Variants in LUZP2 observed in about 807,000 individuals in gnomAD.
The protein encoded by LUZP2 is leucine zipper protein 2.
LUZP2 carries 52 observed loss-of-function variants against 51.6 expected under a neutral mutation model. The ratio of observed to expected loss-of-function variants is 1.01; its 90% CI spans 0.81 to 1.27. The LOEUF is 1.27. LUZP2 is among the 50% of genes most tolerant of loss of function. LUZP2 has a pLI of 0.00. For missense variants in LUZP2, 436 were observed against 395.4 expected, an observed-to-expected ratio of 1.10 and a Z score of -0.87; for synonymous variants, 154 against 137.3, an observed-to-expected ratio of 1.12 and a Z score of -0.85.
At chr11:24,881,987 C>T (rs1852484153) in intron 5 of LUZP2, among the ~76,000 whole-genome samples, 1 of 151,822 alleles carries the variant, frequency 6.6e-6, no homozygotes, top group Non-Finnish European at 1.5e-5. Context: ...TACTCAATTC[C>T]TTATTTAATT....
chr11:25,019,928 T>C (rs1175248409), intron 9 of LUZP2, among the ~76,000 whole-genome samples: 2 of 152,052 alleles, frequency 1.3e-5, no homozygotes, highest in African/African-American at 2.4e-5. Flanking sequence ...TGTCATATAC[T>C]TTATCTTCTT....
intron 6 of LUZP2, among the ~76,000 whole-genome samples, chr11:24,914,232 A>G (rs977895730): frequency 6.6e-6 from 1 of 152,164 alleles, no homozygotes; most frequent in African/African-American, 2.4e-5. Flanking sequence ...TTGGAGGAAG[A>G]ACAATAATCG....
intron 5 of LUZP2, among the ~76,000 whole-genome samples, chr11:24,782,829 C>A (rs937989876): frequency 6.6e-6 from 1 of 152,032 alleles, no homozygotes; most frequent in Admixed American, 6.6e-5. Flanking sequence ...TGTGTAATTT[C>A]ACTTCTTAAT....
chr11:24,650,899 T>C (rs1855605309), intron 1 of LUZP2, among the ~76,000 whole-genome samples: 11 of 152,056 alleles, frequency 7.2e-5, no homozygotes, highest in Admixed American at 6.6e-4. Context: ...TTCTGAACTT[T>C]TGTAAGTCTC....
intron 1 of LUZP2, among the ~76,000 whole-genome samples, chr11:24,578,078 G>A (rs540743712): frequency 3.9e-5 from 6 of 152,068 alleles, no homozygotes; most frequent in Admixed American, 3.9e-4. Flanking sequence ...TTTCTAGACT[G>A]GGAGAAAGAA....
chr11:24,774,109 GC>G (rs1302816247), intron 5 of LUZP2, among the ~76,000 whole-genome samples: 31 of 151,956 alleles, frequency 2.0e-4, no homozygotes, highest in African/African-American at 7.5e-4. Flanking sequence ...CTAATCAGCT[GC>G]CAGTACAGCC....
intron 9 of LUZP2, among the ~76,000 whole-genome samples, chr11:25,038,568 C>G (rs1355927062): frequency 6.6e-6 from 1 of 152,198 alleles, no homozygotes; most frequent in Non-Finnish European, 1.5e-5. Flanking sequence ...AATTGGTTGG[C>G]TTTCTTGAAC....
chr11:24,898,508 C>T (rs997014327), intron 5 of LUZP2, among the ~76,000 whole-genome samples: 5 of 151,902 alleles, frequency 3.3e-5, no homozygotes, highest in Non-Finnish European at 5.9e-5. Context: ...CCTGTAGTCC[C>T]GCTACGCGGG....
chr11:24,540,430 G>A (rs1851321678), intron 1 of LUZP2, among the ~76,000 whole-genome samples: 1 of 152,080 alleles, frequency 6.6e-6, no homozygotes, highest in African/African-American at 2.4e-5. Flanking sequence ...AGACTTTGGA[G>A]AGATTGCTTG....
chr11:25,005,391 A>G (rs942672344), intron 9 of LUZP2, among the ~76,000 whole-genome samples: 6 of 152,296 alleles, frequency 3.9e-5, no homozygotes, highest in East Asian at 1.9e-4. Context: ...CCTCTTACAG[A>G]AAAGGTCAAG....
intron 5 of LUZP2, among the ~76,000 whole-genome samples, chr11:24,834,349 G>T (rs553183718): frequency 6.6e-6 from 1 of 152,168 alleles, no homozygotes; most frequent in Admixed American, 6.5e-5. Context: ...TGCAATGCTT[G>T]GTTTTCTGTT....
At chr11:24,964,025 G>A (rs914669423) in intron 7 of LUZP2, among the ~76,000 whole-genome samples, 2 of 152,174 alleles carry the variant, frequency 1.3e-5, no homozygotes, top group African/African-American at 2.4e-5. Flanking sequence ...TAAATGCCCA[G>A]AAGCAGGATT....
chr11:24,751,477 C>A (rs1337809746), intron 4 of LUZP2: 5 of 471,634 alleles, frequency 1.1e-5, no homozygotes, highest in African/African-American at 2.1e-5. Flanking sequence ...ACAGCTCAGG[C>A]CTCTCCTGTC....
intron 1 of LUZP2, among the ~76,000 whole-genome samples, chr11:24,524,522 A>G (rs1456735660): frequency 6.6e-6 from 1 of 151,736 alleles, no homozygotes; most frequent in African/African-American, 2.4e-5. Flanking sequence ...GGTAATGACA[A>G]ACCTTTCCCT....
intron 5 of LUZP2, among the ~76,000 whole-genome samples, chr11:24,899,488 C>T (rs1046623114): frequency 2.0e-5 from 3 of 151,492 alleles, no homozygotes; most frequent in African/African-American, 2.4e-5. Flanking sequence ...CATGTAAATA[C>T]TTTAATTGAG....
intron 1 of LUZP2, among the ~76,000 whole-genome samples, chr11:24,726,531 C>G (rs954177290): frequency 1.3e-5 from 2 of 151,528 alleles, no homozygotes; most frequent in African/African-American, 4.8e-5. Flanking sequence ...CTACTCCCCC[C>G]ACCAAAAAAA....
At chr11:24,848,966 A>G (rs1036352401) in intron 5 of LUZP2, among the ~76,000 whole-genome samples, 2 of 152,094 alleles carry the variant, frequency 1.3e-5, no homozygotes, top group African/African-American at 4.8e-5. Flanking sequence ...TGACAAACCC[A>G]CAGCAAAACC....
At chr11:24,598,685 T>C (rs1853525096) in intron 1 of LUZP2, among the ~76,000 whole-genome samples, 2 of 152,158 alleles carry the variant, frequency 1.3e-5, no homozygotes, top group South Asian at 4.1e-4. Flanking sequence ...CTCCAAGGCA[T>C]ATTATTATGC....
At chr11:24,986,537 C>CTGTGTGTGTGTGTG (rs61367765) in intron 9 of LUZP2, among the ~76,000 whole-genome samples, 8 of 145,720 alleles carry the variant, frequency 5.5e-5, no homozygotes, top group African/African-American at 1.5e-4. Context: ...TAGCATGCCT[C>CTGTGTGTGTGTGTG]TGTGTGTGTG....
Sources: allele counts gnomAD v4.1 joint callset (sites outside exome capture counted in the v4.1 genomes callset), GRCh38; gene constraint gnomAD v4.1.1; transcripts MANE v1.5; gene names NCBI Gene and HGNC (gene_info 2026-07-23, HGNC 2026-07-21).